The following CNTN4 variants were observed in gnomAD, a reference collection of about 807,000 sequenced individuals.
CNTN4 encodes contactin-4.
In CNTN4, 77 loss-of-function variants were observed where a neutral mutation model predicts 122.5. The observed-to-expected ratio is 0.63, with a 90% CI of 0.52 to 0.76. The LOEUF (loss-of-function observed/expected upper bound fraction) is 0.76, where lower values mean the gene tolerates loss of function less well. Among genes scored for constraint, CNTN4 ranks in the 30% least tolerant of loss-of-function variants. The pLI, the probability that CNTN4 is intolerant of heterozygous loss-of-function variation, is 0.00. For synonymous variants in CNTN4, 512 were observed against 447.0 expected (o/e 1.15, Z -1.83); for missense variants, 1,256 against 1,259.1 (o/e 1.00, Z 0.04).
chr3:2,119,375 C>G (rs944511057), intron 2 of CNTN4, among the ~76,000 whole-genome samples: 2 of 152,196 alleles, frequency 1.3e-5, no homozygotes, highest in African/African-American at 4.8e-5. Flanking sequence ...ACCAATATTC[C>G]TTATTCTCCC....
intron 4 of CNTN4, among the ~76,000 whole-genome samples, chr3:2,708,710 G>T (rs1357076413): frequency 6.7e-6 from 1 of 148,530 alleles, no homozygotes; most frequent in Non-Finnish European, 1.5e-5. Flanking sequence ...ATGCACGCAG[G>T]CACGCGCACG....
chr3:2,166,465 A>T (rs2149206823), intron 2 of CNTN4, among the ~76,000 whole-genome samples: 1 of 152,294 alleles, frequency 6.6e-6, no homozygotes, highest in South Asian at 2.1e-4. Flanking sequence ...ATTTTTAATA[A>T]GTTCTCCAAG....
rs537818182 is a variant in CNTN4, at chr3:2,709,856, C to T, written c.56-26359C>T. ...GGAGTCCAGCAGTGAGCTGAGACTG[C>T]GCCACTGCACTCCAGCCTGGGTGAC... On this transcript the variant is annotated intron_variant, in intron 4 of 24. Coordinates refer to ENST00000418658, the MANE Select transcript of CNTN4 (RefSeq NM_175607.3). This position sits in a 1 kb window ranked among gnomAD's most constrained non-coding sequence, Gnocchi z 5.0. Among the ~76,000 whole-genome samples the T allele has an allele frequency of 8.6e-5, 13 of 152,038 alleles. No individual in the cohort carries two copies. Among genetic ancestry groups the T allele is most frequent in the South Asian group, 2.1e-4 (1 of 4,814 alleles).
intron 13 of CNTN4, among the ~76,000 whole-genome samples, chr3:2,954,787 T>C (rs2094781615): frequency 6.6e-6 from 1 of 152,190 alleles, no homozygotes; most frequent in Admixed American, 6.5e-5. Context: ...GTTTTCATCC[T>C]GTCTGCCTAG....
At chr3:2,238,015 C>A (rs2039750615) in intron 2 of CNTN4, among the ~76,000 whole-genome samples, 1 of 151,802 alleles carries the variant, frequency 6.6e-6, no homozygotes, top group Admixed American at 6.6e-5. Flanking sequence ...ACATGACTTG[C>A]CATTGAGACG....
chr3:2,148,514 C>G (rs2035348878), intron 2 of CNTN4, among the ~76,000 whole-genome samples: 1 of 150,276 alleles, frequency 6.7e-6, no homozygotes, highest in Non-Finnish European at 1.5e-5. Context: ...GCCTGGGTGA[C>G]AGAGCGAGCC....
chr3:2,677,129 TTAGATAGA>T (rs71621501), intron 4 of CNTN4, among the ~76,000 whole-genome samples: 6,432 of 143,146 alleles, frequency 0.045, 181 homozygotes, highest in Admixed American at 0.093. Context: ...GATCACTCTT[TTAGATAGA>T]TAGATAGATA....
chr3:2,739,970 C>A (rs571314239), intron 5 of CNTN4, among the ~76,000 whole-genome samples: 1 of 152,250 alleles, frequency 6.6e-6, no homozygotes, highest in African/African-American at 2.4e-5. Context: ...TTTATCCTTG[C>A]TTTTTAGAAA....
intron 2 of CNTN4, among the ~76,000 whole-genome samples, chr3:2,186,445 C>G (rs888146747): frequency 6.6e-6 from 1 of 152,162 alleles, no homozygotes; most frequent in Non-Finnish European, 1.5e-5. Flanking sequence ...AGTATATACC[C>G]ATTAATGGGA....
At chr3:2,924,102 G>A (rs149477919) in intron 12 of CNTN4, among the ~76,000 whole-genome samples, 2 of 150,862 alleles carry the variant, frequency 1.3e-5, no homozygotes, top group African/African-American at 2.4e-5. Context: ...TTTTACCTTC[G>A]CATGAGAATA....
chr3:2,643,268 T>C (rs1221672966), intron 4 of CNTN4, among the ~76,000 whole-genome samples: 3 of 152,094 alleles, frequency 2.0e-5, no homozygotes, highest in Non-Finnish European at 2.9e-5. Flanking sequence ...CTGCCTCCCA[T>C]GTTCAAGCAA....
intron 3 of CNTN4, among the ~76,000 whole-genome samples, chr3:2,548,214 A>G (rs1205321254): frequency 6.6e-6 from 1 of 152,124 alleles, no homozygotes; most frequent in African/African-American, 2.4e-5. Flanking sequence ...TTTTGTTGCC[A>G]TTGCTTTTGG....
Position 2,917,186 on chromosome 3 carries a change from A to G in CNTN4, c.1208-8443A>G, listed in dbSNP as rs548735593. 1.6e-3 allele frequency among the ~76,000 whole-genome samples: 239 copies of G among 150,314 alleles called. 2 individuals carry two copies. Among genetic ancestry groups the G allele is most frequent in the African/African-American group, 5.7e-3 (230 of 40,370 alleles). On this transcript the variant is annotated intron_variant, in intron 12 of 24. Transcript: ENST00000418658. ...CGTGGCGGCGCGCGCCTGCAATCGCAGGCAGTCGGCAGGCTGAGGCAGGAG... is the reference window on the plus strand; with the variant it reads ...CGTGGCGGCGCGCGCCTGCAATCGCGGGCAGTCGGCAGGCTGAGGCAGGAG...
chr3:2,626,505 A>AG (rs2082195939), intron 4 of CNTN4, among the ~76,000 whole-genome samples: 1 of 151,128 alleles, frequency 6.6e-6, no homozygotes, highest in African/African-American at 2.4e-5. Flanking sequence ...TCAAAAAAAA[A>AG]ACAACAAAAA....
chr3:2,340,710 T>TATAGAGAGAGAGAG lies in CNTN4; in HGVS notation c.-89+1478_-89+1479insTAGAGAGAGAGAGA. Among the ~76,000 whole-genome samples, 29 of 18,302 alleles carry TATAGAGAGAGAGAG rather than the reference T, an allele frequency of 1.6e-3. 2 individuals carry two copies. The highest frequency in any genetic ancestry group is 3.6e-3 in the Non-Finnish European group (22 of 6,158). 12.0% of individuals were successfully genotyped at this position (18,302 alleles called of 152,430 possible). A position where few individuals can be genotyped will look rare whatever the true frequency, so the allele number is the denominator to read the frequency against. ...TTATATATATATATATATATATATA[T>TATAGAGAGAGAGAG]AGAGAGAGAGAGAGAGAGAGAGAGA... On this transcript the variant is annotated intron_variant, in intron 3 of 24. Coordinates refer to ENST00000418658, the MANE Select transcript of CNTN4 (RefSeq NM_175607.3).
chr3:2,706,662 A>C (rs577883778), intron 4 of CNTN4, among the ~76,000 whole-genome samples: 15 of 152,298 alleles, frequency 9.8e-5, no homozygotes, highest in Non-Finnish European at 2.1e-4. Context: ...TGCCATAGCA[A>C]AATACTGCTT....
chr3:2,792,448 G>C (rs371682513), intron 6 of CNTN4, among the ~76,000 whole-genome samples: 8 of 152,154 alleles, frequency 5.3e-5, no homozygotes, highest in African/African-American at 1.9e-4. Context: ...TCTTAGTTTT[G>C]AGTGAGATGT....
intron 3 of CNTN4, among the ~76,000 whole-genome samples, chr3:2,557,645 C>G (rs1439621537): frequency 6.6e-6 from 1 of 151,570 alleles, no homozygotes; most frequent in East Asian, 1.9e-4. Context: ...AGGAGAATGG[C>G]GTGAACCTGG....
At chr3:3,042,495 T>G in intron 21 of CNTN4, 73 bp downstream of exon 21, 4 of 986,658 alleles carry the variant, frequency 4.1e-6, no homozygotes, top group Non-Finnish European at 4.8e-6. Flanking sequence ...AGTCACATTC[T>G]TATAGGAAGA....
Sources: allele counts gnomAD v4.1 joint callset (sites outside exome capture counted in the v4.1 genomes callset), GRCh38; gene constraint gnomAD v4.1.1; non-coding constraint Gnocchi (gnomAD v3.1); transcripts MANE v1.5; gene names NCBI Gene and HGNC (gene_info 2026-07-23, HGNC 2026-07-21).